The following GRID2 variants were observed in gnomAD, a reference collection of about 807,000 sequenced individuals.
The protein encoded by GRID2 is glutamate ionotropic receptor delta type subunit 2.
GRID2 carries 33 observed loss-of-function variants against 114.8 expected under a neutral mutation model. The ratio of observed to expected loss-of-function variants is 0.29; its 90% CI spans 0.22 to 0.38. GRID2 has a LOEUF of 0.38. GRID2 is among the 10% of genes least tolerant of loss of function. The pLI, the probability that GRID2 is intolerant of heterozygous loss-of-function variation, is 1.00. For missense variants in GRID2, 1,184 were observed against 1,257.7 expected (o/e 0.94, Z 0.89); for synonymous variants, 505 against 449.9 (o/e 1.12, Z -1.55).
intron 2 of GRID2, among the ~76,000 whole-genome samples, chr4:92,826,773 G>A (rs1272437289): frequency 6.6e-6 from 1 of 152,048 alleles, no homozygotes; most frequent in Non-Finnish European, 1.5e-5. Context: ...CAAATCAGCT[G>A]ATTTAAAATG....
intron 2 of GRID2, among the ~76,000 whole-genome samples, chr4:92,625,011 C>T (rs1413492487): frequency 2.6e-5 from 4 of 151,546 alleles, no homozygotes; most frequent in Non-Finnish European, 5.9e-5. Flanking sequence ...TGGTGGTATA[C>T]CTTTTTAGAG....
Position 92,788,107 on chromosome 4 carries a change from G to C in GRID2, c.244+197821G>C, listed in dbSNP as rs562475288. Among the ~76,000 whole-genome samples the C allele has an allele frequency of 1.3e-3, 201 of 151,930 alleles. 1 individual carries two copies. Among genetic ancestry groups the C allele is most frequent in the African/African-American group, 4.5e-3 (186 of 41,512 alleles). On this transcript the variant is annotated intron_variant, in intron 2 of 15. Transcript: ENST00000282020. ...AATTTCAAACCATGAGCTTGGATAA[G>C]ATTATCAAGAGTGTGAACATTGATG...
intron 13 of GRID2, among the ~76,000 whole-genome samples, chr4:93,620,053 A>T (rs998148044): frequency 3.3e-5 from 5 of 152,226 alleles, no homozygotes; most frequent in African/African-American, 1.2e-4. Context: ...TATGACTTAG[A>T]GCAAGTTACA....
chr4:93,274,199 T>C (rs148276683), intron 8 of GRID2, among the ~76,000 whole-genome samples: 1 of 152,218 alleles, frequency 6.6e-6, no homozygotes, highest in African/African-American at 2.4e-5. Flanking sequence ...GTGGCATTGA[T>C]AGTAGCCAAT....
At chr4:93,431,111 T>G in intron 10 of GRID2, among the ~76,000 whole-genome samples, 1 of 152,200 alleles carries the variant, frequency 6.6e-6, no homozygotes, top group Non-Finnish European at 1.5e-5. Flanking sequence ...AAGTCTGGAA[T>G]AATTCATCAG....
At chr4:93,576,146 G>A (rs1219504412) in intron 13 of GRID2, among the ~76,000 whole-genome samples, 1 of 152,158 alleles carries the variant, frequency 6.6e-6, no homozygotes, top group Non-Finnish European at 1.5e-5. Flanking sequence ...AAATGTTAAA[G>A]TGGATATAGG....
chr4:93,782,017 T>A (rs61368780), intron 1 of GRID2, among the ~76,000 whole-genome samples: 3,762 of 152,252 alleles, frequency 0.025, 154 homozygotes, highest in African/African-American at 0.086. Context: ...GACTTTGGAT[T>A]GTATTAAAAG....
At chr4:93,036,693 A>G (rs910238446) in intron 2 of GRID2, among the ~76,000 whole-genome samples, 20 of 152,102 alleles carry the variant, frequency 1.3e-4, no homozygotes, top group Admixed American at 1.0e-3. Flanking sequence ...TCTTTTATGT[A>G]TTACTAGCAA....
intron 2 of GRID2, among the ~76,000 whole-genome samples, chr4:92,982,922 C>T (rs1046316561): frequency 1.3e-5 from 2 of 151,970 alleles, no homozygotes; most frequent in South Asian, 2.1e-4. Flanking sequence ...TACTATATAT[C>T]CTATTCTGAA....
intron 2 of GRID2, among the ~76,000 whole-genome samples, chr4:92,905,049 T>C (rs1051476067): frequency 6.6e-6 from 1 of 152,064 alleles, no homozygotes; most frequent in African/African-American, 2.4e-5. Context: ...AGCTACTGAT[T>C]AGTTAAGTGA....
chr4:92,880,827 T>A (rs2149457205), intron 2 of GRID2, among the ~76,000 whole-genome samples: 1 of 152,240 alleles, frequency 6.6e-6, no homozygotes, highest in African/African-American at 2.4e-5. Context: ...GTTCAAGTGA[T>A]TCTACTGCCT....
intron 2 of GRID2, among the ~76,000 whole-genome samples, chr4:92,885,657 T>C (rs1746319484): frequency 1.3e-5 from 2 of 152,232 alleles, no homozygotes; most frequent in African/African-American, 4.8e-5. Flanking sequence ...GGATTCTTTG[T>C]TGTAAGATGA....
chr4:92,694,051 G>A (rs745832868), intron 2 of GRID2, among the ~76,000 whole-genome samples: 22 of 152,082 alleles, frequency 1.4e-4, no homozygotes, highest in South Asian at 4.1e-4. Context: ...GATAGTGAAG[G>A]GGATGAAAGA....
intron 14 of GRID2, among the ~76,000 whole-genome samples, chr4:93,658,160 G>A (rs1201971400): frequency 1.3e-5 from 2 of 152,128 alleles, no homozygotes; most frequent in Admixed American, 6.5e-5. Context: ...ATCAATCTTA[G>A]AGCATAAAAT....
At chr4:93,309,217 T>C (rs1382970368) in intron 8 of GRID2, among the ~76,000 whole-genome samples, 1 of 152,138 alleles carries the variant, frequency 6.6e-6, no homozygotes, top group East Asian at 1.9e-4. Flanking sequence ...TGGCATATAA[T>C]TGTGCTCAAT....
At chr4:92,834,345 G>T (rs1249947842) in intron 2 of GRID2, among the ~76,000 whole-genome samples, 1 of 152,062 alleles carries the variant, frequency 6.6e-6, no homozygotes, top group African/African-American at 2.4e-5. Flanking sequence ...ACCATAAAGA[G>T]TTTAAATGTT....
intron 8 of GRID2, among the ~76,000 whole-genome samples, chr4:93,307,485 A>AT (rs568037648): frequency 2.6e-5 from 4 of 151,776 alleles, no homozygotes; most frequent in East Asian, 1.9e-4. Context: ...TTATTTTTAA[A>AT]TTTTTTTTAG....
At chr4:93,390,621 A>G (rs1267723729) in intron 8 of GRID2, among the ~76,000 whole-genome samples, 1 of 152,144 alleles carries the variant, frequency 6.6e-6, no homozygotes, top group Non-Finnish European at 1.5e-5. Context: ...GGTATGCTAT[A>G]TTGCCTCTAA....
At chr4:92,968,030 G>C (rs1190726920) in intron 2 of GRID2, among the ~76,000 whole-genome samples, 5 of 151,768 alleles carry the variant, frequency 3.3e-5, no homozygotes, top group African/African-American at 4.8e-5. Context: ...AACACCATTA[G>C]GCCTGATGTC....
Sources: gnomAD v4.1 joint callset for allele counts (sites outside exome capture counted in the v4.1 genomes callset) on GRCh38, gnomAD v4.1.1 for gene constraint, MANE v1.5 for transcripts, NCBI Gene and HGNC (gene_info 2026-07-23, HGNC 2026-07-21) for gene names.